GNG7: variants seen among roughly 807,000 people sequenced by gnomAD.
GNG7 encodes G protein subunit gamma 7.
GNG7 carries 1 observed loss-of-function variant against 4.0 expected under a neutral mutation model. That is an observed-to-expected ratio of 0.25 (90% CI 0.09 to 1.18). The LOEUF is 1.18. GNG7 is among the 50% of genes most tolerant of loss of function. The pLI, the probability that GNG7 is intolerant of heterozygous loss-of-function variation, is 0.50. For missense variants in GNG7, 86 were observed against 91.9 expected, an observed-to-expected ratio of 0.94 and a Z score of 0.26; for synonymous variants, 34 against 36.9, an observed-to-expected ratio of 0.92 and a Z score of 0.29.
chr19:2,698,000 C>T (rs1300837301), intron 1 of GNG7, among the ~76,000 whole-genome samples: 1 of 151,624 alleles, frequency 6.6e-6, no homozygotes, highest in Non-Finnish European at 1.5e-5. Flanking sequence ...GGTGCGGGGG[C>T]TCATGCTTAT....
intron 3 of GNG7, among the ~76,000 whole-genome samples, chr19:2,536,011 G>T (rs1978723113): frequency 6.6e-6 from 1 of 152,142 alleles, no homozygotes. Context: ...TATAGTCTCA[G>T]CTACTTGGAT....
rs570214267 is a variant in GNG7 at position 2,562,817 on chromosome 19, C to T, written c.-77-7629G>A. Among the ~76,000 whole-genome samples the T allele has an allele frequency of 9.8e-5, 15 of 152,330 alleles. No individual in the cohort carries two copies. In the South Asian group the frequency reaches 1.0e-3, roughly 11 times the overall value. ...GGCTGCACACATTGAAATCCACACT[C>T]TGAGTGGGGAGGGAGAGAGGATGTG... On this transcript the variant is annotated intron_variant, in intron 2 of 4. Coordinates refer to ENST00000382159, the MANE Select transcript of GNG7 (RefSeq NM_052847.3).
chr19:2,624,480 G>A (rs1162059222), intron 2 of GNG7, among the ~76,000 whole-genome samples: 2 of 144,298 alleles, frequency 1.4e-5, no homozygotes, highest in Non-Finnish European at 3.0e-5. Context: ...GCAGTGAGCC[G>A]AGATTGTGCC....
chr19:2,621,610 T>C (rs1295190185), intron 2 of GNG7, among the ~76,000 whole-genome samples: 1 of 151,774 alleles, frequency 6.6e-6, no homozygotes, highest in African/African-American at 2.4e-5. Context: ...GGCAGGAGAA[T>C]TGCTTGAACC....
At chr19:2,628,528 TATATATATATAAC>T (rs1982075990) in intron 2 of GNG7, among the ~76,000 whole-genome samples, 1 of 150,392 alleles carries the variant, frequency 6.6e-6, no homozygotes, top group African/African-American at 2.5e-5. Flanking sequence ...TGTGTGTGTA[TATATATATATAAC>T]ATAAGACGGA....
intron 3 of GNG7, among the ~76,000 whole-genome samples, chr19:2,553,397 C>CATAT (rs369513158): frequency 0.045 from 6,332 of 142,210 alleles, 285 homozygotes; most frequent in East Asian, 0.19. Flanking sequence ...TATATATATA[C>CATAT]ATATATATAT....
At chr19:2,602,603 G>A (rs936008826) in intron 2 of GNG7, among the ~76,000 whole-genome samples, 7 of 152,226 alleles carry the variant, frequency 4.6e-5, no homozygotes, top group African/African-American at 1.7e-4. Context: ...ATCTCCAACC[G>A]GGCCCCGGAG....
intron 2 of GNG7, among the ~76,000 whole-genome samples, chr19:2,601,485 C>A: frequency 6.6e-6 from 1 of 152,136 alleles, no homozygotes; most frequent in East Asian, 1.9e-4. Flanking sequence ...ACAATGAGCT[C>A]CCCAGGAACA....
At chr19:2,668,438 G>T (rs1983366426) in intron 1 of GNG7, among the ~76,000 whole-genome samples, 1 of 152,048 alleles carries the variant, frequency 6.6e-6, no homozygotes. Context: ...GAGGGGTGGG[G>T]GAACCAGTGG....
At chr19:2,568,148 C>T (rs1335637995) in intron 2 of GNG7, among the ~76,000 whole-genome samples, 1 of 149,136 alleles carries the variant, frequency 6.7e-6, no homozygotes, top group Non-Finnish European at 1.5e-5. Flanking sequence ...TATACACATG[C>T]ACACACATAC....
At chr19:2,549,429 T>G (rs1344258890) in intron 3 of GNG7, among the ~76,000 whole-genome samples, 1 of 151,888 alleles carries the variant, frequency 6.6e-6, no homozygotes, top group Non-Finnish European at 1.5e-5. Context: ...TAGCTGAGAT[T>G]ACAGGCGCCC....
At chr19:2,526,261 C>T (rs1009672126) in intron 3 of GNG7, among the ~76,000 whole-genome samples, 1 of 151,654 alleles carries the variant, frequency 6.6e-6, no homozygotes, top group African/African-American at 2.4e-5. Flanking sequence ...TGAGCCACTG[C>T]GCCTGGCCAA....
At chr19:2,603,334 G>C (rs997420472) in intron 2 of GNG7, among the ~76,000 whole-genome samples, 3 of 152,242 alleles carry the variant, frequency 2.0e-5, no homozygotes, top group African/African-American at 7.2e-5. Flanking sequence ...CAAAGTGCTA[G>C]GATTACAGGC....
chr19:2,562,101 G>C (rs1979759246), intron 2 of GNG7, among the ~76,000 whole-genome samples: 1 of 152,004 alleles, frequency 6.6e-6, no homozygotes, highest in Admixed American at 6.6e-5. Context: ...AAAGAAACCA[G>C]GGTCCGGGGC....
chr19:2,642,474 T>A (rs1982534286), intron 2 of GNG7: 1 of 335,808 alleles, frequency 3.0e-6, no homozygotes, highest in Non-Finnish European at 5.8e-6. Context: ...CAAGCGATCC[T>A]CCCACCTCAG....
At chr19:2,681,708 G>A (rs1469809710) in intron 1 of GNG7, among the ~76,000 whole-genome samples, 1 of 152,124 alleles carries the variant, frequency 6.6e-6, no homozygotes, top group Non-Finnish European at 1.5e-5. Context: ...CAGAGCAGCT[G>A]TACCACATGA....
chr19:2,574,580 C>T (rs904232574), intron 2 of GNG7, among the ~76,000 whole-genome samples: 2 of 152,230 alleles, frequency 1.3e-5, no homozygotes, highest in South Asian at 2.1e-4. Context: ...TTCATGGCTG[C>T]GTAATATTCC....
intron 3 of GNG7, among the ~76,000 whole-genome samples, chr19:2,541,708 C>T (rs1978967473): frequency 6.6e-6 from 1 of 150,988 alleles, no homozygotes; most frequent in South Asian, 2.1e-4. Context: ...CGCCACTGCA[C>T]TCTAGCCTGG....
chr19:2,641,513 G>T (rs1982506252), intron 2 of GNG7, among the ~76,000 whole-genome samples: 1 of 152,096 alleles, frequency 6.6e-6, no homozygotes, highest in African/African-American at 2.4e-5. Context: ...GGGGAGGAGG[G>T]GGCCCCGAGC....
Sources: allele counts gnomAD v4.1 joint callset (sites outside exome capture counted in the v4.1 genomes callset), GRCh38; gene constraint gnomAD v4.1.1; transcripts MANE v1.5; gene names NCBI Gene and HGNC (gene_info 2026-07-23, HGNC 2026-07-21).